Variants in STON1 observed in about 807,000 individuals in gnomAD.
STON1 encodes the protein stonin 1.
STON1 carries 79 observed loss-of-function variants against 60.9 expected under a neutral mutation model. That is an observed-to-expected ratio of 1.30 (90% confidence interval 1.08 to 1.56). The LOEUF is 1.56. Among genes scored for constraint, STON1 ranks in the 40% most tolerant of loss-of-function variants. STON1 has a pLI of 0.00. For synonymous variants in STON1, 363 were observed against 306.9 expected (o/e 1.18, Z -1.91); for missense variants, 1,166 against 858.9 (o/e 1.36, Z -4.47).
intron 1 of STON1, among the ~76,000 whole-genome samples, chr2:48,561,835 C>A (rs1343079655): frequency 6.6e-6 from 1 of 152,096 alleles, no homozygotes; most frequent in Non-Finnish European, 1.5e-5. Context: ...AGTCGTCAGC[C>A]ACATGTATGA....
chr2:48,579,034 G>T (rs1434122710), intron 1 of STON1, among the ~76,000 whole-genome samples: 6 of 150,044 alleles, frequency 4.0e-5, no homozygotes, highest in African/African-American at 1.5e-4. Flanking sequence ...ACAAAGTTTC[G>T]TTCTCCTTGC....
rs1435860585 is a variant in STON1 at position 48,597,590 on chromosome 2, C to A, written c.*2288C>A. Reference sequence around the variant, plus strand: ...GGTTATTCACTCACAAGCCACCGGGCCTTCAGGACATCTCAAGATTCAGTC... The same window carrying A: ...GGTTATTCACTCACAAGCCACCGGGACTTCAGGACATCTCAAGATTCAGTC... On this transcript the variant is annotated 3_prime_UTR_variant, in exon 4 of 4. Transcript: ENST00000404752. 1 of 152,480 alleles carries A rather than the reference C, an allele frequency of 6.6e-6. No individual in the cohort carries two copies. The highest frequency in any genetic ancestry group is 6.5e-5 in the Admixed American group (1 of 15,270). The allele number at this position is 152,480 out of a possible 1,614,324, so 9.4% of individuals were successfully genotyped here. A position where few individuals can be genotyped will look rare whatever the true frequency, so the allele number is the denominator to read the frequency against.
chr2:48,538,605 A>G (rs1671524249), intron 1 of STON1, among the ~76,000 whole-genome samples: 2 of 150,556 alleles, frequency 1.3e-5, no homozygotes, highest in African/African-American at 4.9e-5. Context: ...TATATTTCTT[A>G]TTTATTTATT....
At chr2:48,549,954 A>C (rs903273922) in intron 1 of STON1, among the ~76,000 whole-genome samples, 1 of 151,538 alleles carries the variant, frequency 6.6e-6, no homozygotes, top group Non-Finnish European at 1.5e-5. Flanking sequence ...GCAGTTTGGG[A>C]GAATATAAGT....
intron 2 of STON1, 31 bp downstream of exon 2, chr2:48,582,594 A>C (rs377348297): frequency 2.5e-6 from 4 of 1,587,408 alleles, no homozygotes; most frequent in Non-Finnish European, 3.4e-6. Context: ...GTTTATTTTC[A>C]TGGGAAATAG....
intron 3 of STON1, among the ~76,000 whole-genome samples, chr2:48,593,008 A>T (rs1050845484): frequency 1.3e-5 from 2 of 152,078 alleles, no homozygotes; most frequent in Non-Finnish European, 2.9e-5. Flanking sequence ...TCTGTTTCTA[A>T]ACTTGTTTTC....
chr2:48,588,540 G>A (rs377646800), intron 2 of STON1, among the ~76,000 whole-genome samples: 1 of 152,098 alleles, frequency 6.6e-6, no homozygotes, highest in African/African-American at 2.4e-5. Flanking sequence ...TGGTAGAGAT[G>A]AGGTTTTGCC....
chr2:48,533,375 G>A (rs139783937), intron 1 of STON1, among the ~76,000 whole-genome samples: 3,002 of 151,472 alleles, frequency 0.02, 41 homozygotes, highest in Non-Finnish European at 0.032. Flanking sequence ...GCGAGACTCC[G>A]TCTCAGAAAA....
rs144220792 is a variant in STON1 at position 48,577,451 on chromosome 2, C to T, written c.-47-3136C>T. Among the ~76,000 whole-genome samples, 816 of 150,506 alleles carry T rather than the reference C, an allele frequency of 5.4e-3. 3 individuals are homozygous for T. The highest frequency in any genetic ancestry group is 8.7e-3 in the Non-Finnish European group (592 of 67,706). ...CCAAAATTAGCCTGGCGTGGTGGTG[C>T]GTGCCTGCAATCCCAGCTACTCAGG... On this transcript the variant is annotated intron_variant, in intron 1 of 3. Coordinates refer to ENST00000404752, the MANE Select transcript of STON1 (RefSeq NM_006873.4).
intron 2 of STON1, among the ~76,000 whole-genome samples, chr2:48,584,824 C>G (rs940007466): frequency 6.6e-6 from 1 of 152,100 alleles, no homozygotes; most frequent in Non-Finnish European, 1.5e-5. Context: ...CTGCCCGTAC[C>G]CTGGAGGCCA....
At chr2:48,537,365 C>T (rs571872443) in intron 1 of STON1, among the ~76,000 whole-genome samples, 219 of 152,206 alleles carry the variant, frequency 1.4e-3, no homozygotes, top group Non-Finnish European at 2.5e-3. Context: ...ATGTCTTTTT[C>T]ATAACTATAT....
chr2:48,591,574 G>A, intron 2 of STON1, 79 bp from the exon 3 acceptor site: 2 of 1,547,636 alleles, frequency 1.3e-6, no homozygotes, highest in Non-Finnish European at 1.8e-6. Context: ...TAAGGAGAGA[G>A]ATGAGTGCCT....
intron 2 of STON1, 55 bp from the exon 3 acceptor site, chr2:48,591,598 G>A (rs1674515630): frequency 6.3e-7 from 1 of 1,590,374 alleles, no homozygotes; most frequent in Non-Finnish European, 8.6e-7. Flanking sequence ...ATGTTCAAGA[G>A]AAATGTTCAA....
intron 3 of STON1, among the ~76,000 whole-genome samples, chr2:48,594,138 C>G (rs1041839771): frequency 6.6e-6 from 1 of 152,168 alleles, no homozygotes; most frequent in African/African-American, 2.4e-5. Context: ...CTCACTCCCC[C>G]ATGAATGTTG....
intron 1 of STON1, among the ~76,000 whole-genome samples, chr2:48,561,244 C>T (rs923755254): frequency 6.6e-6 from 1 of 152,244 alleles, no homozygotes; most frequent in African/African-American, 2.4e-5. Flanking sequence ...TGTCCTGTCT[C>T]TCCTGTGGCT....
intron 1 of STON1, among the ~76,000 whole-genome samples, chr2:48,573,198 G>C (rs979325360): frequency 3.3e-5 from 5 of 152,186 alleles, no homozygotes; most frequent in African/African-American, 1.2e-4. Context: ...TACATCAGTA[G>C]ATCTCAGGGA....
rs1392967450 is a variant in STON1, at chr2:48,591,684, A to T, written c.1962A>T (p.Lys654Asn). Residue 654 changes from lysine to asparagine, a missense_variant, in exon 3 of 4, where the codon AAA becomes AAT. Coordinates refer to ENST00000404752, the MANE Select transcript of STON1 (RefSeq NM_006873.4). The stretch of plus-strand genomic sequence containing the variant: ...ATCATCCCCATTGTCTGTCATACAA[A>T]TTAGAGCTTGGATCAGACCAAGAAA... ...SLDHPHCLSY[K>N]LELGSDQEIP... The T allele has an allele frequency of 6.2e-7, 1 of 1,614,152 alleles. No individual in the cohort carries two copies. Among genetic ancestry groups the T allele is most frequent in the Non-Finnish European group, 8.5e-7 (1 of 1,180,030 alleles).
intron 1 of STON1, among the ~76,000 whole-genome samples, chr2:48,544,076 C>A (rs1459685789): frequency 6.6e-6 from 1 of 152,106 alleles, no homozygotes; most frequent in African/African-American, 2.4e-5. Context: ...TATCTGGGCC[C>A]TGTGGAATCT....
intron 1 of STON1, 58 bp downstream of exon 1, chr2:48,530,274 G>A (rs1671148956): frequency 5.9e-6 from 2 of 339,762 alleles, no homozygotes; most frequent in African/African-American, 2.3e-5. Context: ...CCTCTCCAGG[G>A]TGGGGCCTCC....
Sources: gnomAD v4.1 joint callset for allele counts (sites outside exome capture counted in the v4.1 genomes callset) on GRCh38, gnomAD v4.1.1 for gene constraint, MANE v1.5 for transcripts, NCBI Gene and HGNC (gene_info 2026-07-23, HGNC 2026-07-21) for gene names.